RIT2: variants seen among roughly 807,000 people sequenced by gnomAD.
The protein encoded by RIT2 is GTP-binding protein Rit2.
In RIT2, 24 loss-of-function variants were observed where a neutral mutation model predicts 23.7. The ratio of observed to expected loss-of-function variants is 1.01; its 90% confidence interval spans 0.73 to 1.43. RIT2 has a LOEUF of 1.43. Ranked by LOEUF, RIT2 falls within the 40% of genes most tolerant of loss-of-function variation. The pLI, the probability that RIT2 is intolerant of heterozygous loss-of-function variation, is 0.00. For missense variants in RIT2, 236 were observed against 266.9 expected, an observed-to-expected ratio of 0.88 and a Z score of 0.81; for synonymous variants, 107 against 91.1, an observed-to-expected ratio of 1.17 and a Z score of -0.99.
At chr18:42,998,309 A>G (rs1158220337) in intron 2 of RIT2, among the ~76,000 whole-genome samples, 1 of 152,064 alleles carries the variant, frequency 6.6e-6, no homozygotes, top group Non-Finnish European at 1.5e-5. Context: ...CACAACTACA[A>G]ATCAGTTTAC....
intron 4 of RIT2, among the ~76,000 whole-genome samples, chr18:42,849,418 T>C (rs545661369): frequency 3.9e-4 from 60 of 152,336 alleles, no homozygotes; most frequent in Middle Eastern, 3.4e-3. Context: ...GTGCCACTTA[T>C]GTACTGTAAA....
chr18:42,953,158 G>A lies in RIT2; in HGVS notation c.234+20916C>T, dbSNP rs576987435. The stretch of plus-strand genomic sequence containing the variant: ...CATTGTCTTCTCTTTTTGTCTTTGT[G>A]ATCATGCAAATTTTAGTATTTTAAT... On this transcript the variant is annotated intron_variant, in intron 3 of 4. Transcript: ENST00000326695. Among the ~76,000 whole-genome samples the A allele has an allele frequency of 3.3e-5, 5 of 151,764 alleles. No individual in the cohort carries two copies. The South Asian group carries it at 6.3e-4, about 19-fold the overall frequency.
rs529333102 is a variant in RIT2 at position 42,792,661 on chromosome 18, G to C, written c.427-48941C>G. Among the ~76,000 whole-genome samples the C allele has an allele frequency of 1.1e-4, 16 of 152,210 alleles. No homozygotes were observed. The South Asian group carries it at 3.3e-3, about 32-fold the overall frequency. ...ACGATAAGGAATGTATAGATTGCAC[G>C]GTGTGTCGAAGTTCATATACCAAGT... On this transcript the variant is annotated intron_variant, in intron 4 of 4. Transcript: ENST00000326695.
intron 4 of RIT2, among the ~76,000 whole-genome samples, chr18:42,872,033 C>T (rs1202865391): frequency 6.6e-6 from 1 of 152,050 alleles, no homozygotes; most frequent in African/African-American, 2.4e-5. Flanking sequence ...AAGTGAATAT[C>T]CAGGGCCATC....
intron 4 of RIT2, among the ~76,000 whole-genome samples, chr18:42,871,521 C>T (rs916387144): frequency 3.3e-5 from 5 of 152,180 alleles, no homozygotes; most frequent in African/African-American, 1.2e-4. Context: ...GGACACACAA[C>T]TAATCCATAC....
chr18:43,024,258 C>A (rs1057032427), intron 2 of RIT2, among the ~76,000 whole-genome samples: 1 of 151,914 alleles, frequency 6.6e-6, no homozygotes, highest in African/African-American at 2.4e-5. Flanking sequence ...AGCCACACAC[C>A]TACAGCCAAC....
intron 3 of RIT2, among the ~76,000 whole-genome samples, chr18:42,973,744 A>G (rs1167170625): frequency 2.0e-5 from 3 of 151,678 alleles, no homozygotes; most frequent in African/African-American, 7.3e-5. Context: ...CTTTATATTC[A>G]CCTAAAATTC....
intron 4 of RIT2, 136 bp from the exon 5 acceptor site, chr18:42,743,856 T>C: frequency 3.1e-6 from 2 of 638,574 alleles, no homozygotes; most frequent in Non-Finnish European, 5.4e-6. Context: ...CTTGCAGGTA[T>C]ACGCCCAGAT....
Position 42,876,896 on chromosome 18 carries a change from C to T in RIT2, c.426+46676G>A, listed in dbSNP as rs552187715. ...AAGTTCTTAAGAAATTCAGAGATTTCGATTTTTTTAAAATCTTGCTATCCC... is the reference window on the plus strand; with the variant it reads ...AAGTTCTTAAGAAATTCAGAGATTTTGATTTTTTTAAAATCTTGCTATCCC... On this transcript the variant is annotated intron_variant, in intron 4 of 4. Transcript: ENST00000326695. 1.3e-4 allele frequency among the ~76,000 whole-genome samples: 20 copies of T among 151,838 alleles called. No homozygotes were observed. In the East Asian group the frequency reaches 3.7e-3, roughly 28 times the overall value.
intron 4 of RIT2, among the ~76,000 whole-genome samples, chr18:42,907,803 A>G (rs562377712): frequency 2.6e-5 from 4 of 152,232 alleles, no homozygotes; most frequent in South Asian, 2.1e-4. Context: ...TAATGTAGTG[A>G]GACCCTGTCT....
intron 4 of RIT2, chr18:42,923,363 G>A: frequency 1.8e-6 from 1 of 565,120 alleles, no homozygotes; most frequent in South Asian, 2.2e-5. Flanking sequence ...TAGGGCACTA[G>A]TAAGGGCACT....
At chr18:42,906,750 G>T (rs1908633349) in intron 4 of RIT2, among the ~76,000 whole-genome samples, 1 of 152,098 alleles carries the variant, frequency 6.6e-6, no homozygotes, top group South Asian at 2.1e-4. Context: ...AACCTGTCTT[G>T]TCTGCCCCAT....
chr18:42,888,578 T>G (rs948698647), intron 4 of RIT2, among the ~76,000 whole-genome samples: 2 of 151,428 alleles, frequency 1.3e-5, no homozygotes, highest in Admixed American at 1.3e-4. Flanking sequence ...CAAAAGAAAA[T>G]AAATCACTCT....
intron 2 of RIT2, among the ~76,000 whole-genome samples, chr18:43,009,999 A>C (rs1210399790): frequency 2.6e-5 from 4 of 151,830 alleles, no homozygotes; most frequent in Non-Finnish European, 4.4e-5. Context: ...ACACAATATA[A>C]ATCATGTTTG....
At chr18:43,004,193 G>A (rs1231599967) in intron 2 of RIT2, among the ~76,000 whole-genome samples, 1 of 151,808 alleles carries the variant, frequency 6.6e-6, no homozygotes, top group African/African-American at 2.4e-5. Context: ...GCCTCTGAGA[G>A]TGGGGACCCT....
chr18:42,853,251 C>T (rs1342560640), intron 4 of RIT2, among the ~76,000 whole-genome samples: 1 of 152,152 alleles, frequency 6.6e-6, no homozygotes, highest in Non-Finnish European at 1.5e-5. Flanking sequence ...GATCTATCTG[C>T]TAAGTCATTT....
chr18:43,030,106 G>T (rs1437984879), intron 2 of RIT2, among the ~76,000 whole-genome samples: 2 of 151,844 alleles, frequency 1.3e-5, no homozygotes, highest in East Asian at 1.9e-4. Flanking sequence ...AACATATTGG[G>T]CATTTTTAAC....
At chr18:42,794,772 A>G (rs190856529) in intron 4 of RIT2, among the ~76,000 whole-genome samples, 2 of 152,346 alleles carry the variant, frequency 1.3e-5, no homozygotes, top group Admixed American at 1.3e-4. Flanking sequence ...AAGCTGATTT[A>G]TAGCATGTTA....
At chr18:42,963,953 A>G (rs907109067) in intron 3 of RIT2, among the ~76,000 whole-genome samples, 21 of 151,622 alleles carry the variant, frequency 1.4e-4, no homozygotes, top group Non-Finnish European at 1.5e-4. Context: ...GCACTTTGGG[A>G]AGCCAAAGTG....
Sources: allele counts gnomAD v4.1 joint callset (sites outside exome capture counted in the v4.1 genomes callset), GRCh38; gene constraint gnomAD v4.1.1; transcripts MANE v1.5; gene names NCBI Gene and HGNC (gene_info 2026-07-23, HGNC 2026-07-21).